Variants in NCAPD3 observed in about 807,000 individuals in gnomAD.
NCAPD3 encodes the protein non-SMC condensin II complex subunit D3.
NCAPD3 carries 105 observed loss-of-function variants against 182.9 expected under a neutral mutation model. That is an observed-to-expected ratio of 0.57 (90% CI 0.49 to 0.68). NCAPD3 has a LOEUF of 0.68. NCAPD3 is among the 30% of genes least tolerant of loss of function. The pLI is 0.00. For synonymous variants in NCAPD3, 815 were observed against 679.9 expected (o/e 1.20, Z -3.09); for missense variants, 1,944 against 1,837.0 (o/e 1.06, Z -1.07).
At chr11:134,179,003 G>A (rs1944233540) in intron 20 of NCAPD3, 67 bp from the exon 21 acceptor site, 2 of 1,068,258 alleles carry the variant, frequency 1.9e-6, no homozygotes, top group Admixed American at 2.0e-5. Context: ...CTAGATTAAG[G>A]ACATGTCAAT....
chr11:134,196,522 T>C (rs1944631741), intron 13 of NCAPD3, among the ~76,000 whole-genome samples: 1 of 151,246 alleles, frequency 6.6e-6, no homozygotes, highest in African/African-American at 2.4e-5. Context: ...GGCGGGTGCT[T>C]GTAGTCCCAG....
intron 28 of NCAPD3, 55 bp from the exon 29 acceptor site, chr11:134,160,129 C>T (rs1435661840): frequency 6.3e-7 from 1 of 1,576,286 alleles, no homozygotes; most frequent in Non-Finnish European, 8.6e-7. Flanking sequence ...AACGTAAAGC[C>T]CTAAACCCCC....
At chr11:134,173,082 G>A (rs1944056521) in intron 24 of NCAPD3, 1 of 154,114 alleles carries the variant, frequency 6.5e-6, no homozygotes, top group African/African-American at 2.4e-5. Context: ...GTGATGGGGA[G>A]GCAGGGCTGC....
At chr11:134,165,604 G>C (rs1386916878) in intron 27 of NCAPD3, among the ~76,000 whole-genome samples, 1 of 143,482 alleles carries the variant, frequency 7.0e-6, no homozygotes, top group Non-Finnish European at 1.5e-5. Context: ...AGATGAGCTT[G>C]GGGGAGGCGC....
chr11:134,167,894 C>T (rs1371931638), intron 27 of NCAPD3, 102 bp downstream of exon 27: 3 of 1,039,988 alleles, frequency 2.9e-6, no homozygotes, highest in South Asian at 1.5e-5. Context: ...TGCACACTCA[C>T]TTGTGAGATG....
At chr11:134,224,198 C>T (rs763721909), upstream of NCAPD3, 2 of 560,334 alleles carry the variant, frequency 3.6e-6, no homozygotes, top group Non-Finnish European at 6.3e-6. Context: ...GAGTTAAACC[C>T]TAACAGCGTT....
At position 134,213,988 on chromosome 11, in the gene NCAPD3, C is replaced by T. The variant is rs572226340; in HGVS notation, c.382+2948G>A. Among the ~76,000 whole-genome samples, 36 of 152,022 alleles carry T rather than the reference C, an allele frequency of 2.4e-4. No individual in the cohort carries two copies. The South Asian group carries it at 6.0e-3, about 25-fold the overall frequency. On this transcript the variant is annotated intron_variant, in intron 3 of 34. Transcript: ENST00000534548. ...AATTATTCTTAGAGATTCCAACATTCCTCTCTCAACAACAGATAGAACAAA... is the reference window on the plus strand; with the variant it reads ...AATTATTCTTAGAGATTCCAACATTTCTCTCTCAACAACAGATAGAACAAA...
intron 7 of NCAPD3, among the ~76,000 whole-genome samples, chr11:134,207,158 C>T (rs1192056271): frequency 6.6e-6 from 1 of 152,166 alleles, no homozygotes; most frequent in African/African-American, 2.4e-5. Context: ...TCTCATATAA[C>T]ATAGTCACTA....
Position 134,191,433 on chromosome 11 carries a change from C to T in NCAPD3, c.2045+1256G>A, listed in dbSNP as rs186378945. 2.0e-5 allele frequency among the ~76,000 whole-genome samples: 3 copies of T among 152,132 alleles called. No individual in the cohort carries two copies. The East Asian group carries it at 5.8e-4, about 29-fold the overall frequency. ...AGAGATTGCATGGTGGTTACACAGG[C>T]ATACTCTCTTTGTGATATTTACTGA... is the stretch of plus-strand genomic sequence containing the variant. On this transcript the variant is annotated intron_variant, in intron 16 of 34. Transcript: ENST00000534548.
At chr11:134,223,328 A>G (rs1443924359) in intron 1 of NCAPD3, 4 of 674,774 alleles carry the variant, frequency 5.9e-6, no homozygotes, top group Non-Finnish European at 1.1e-5. Flanking sequence ...GAGACACCTC[A>G]GAGGCAGGAC....
At chr11:134,219,383 A>G (rs1056510279) in intron 2 of NCAPD3, among the ~76,000 whole-genome samples, 1 of 152,132 alleles carries the variant, frequency 6.6e-6, no homozygotes, top group Admixed American at 6.5e-5. Context: ...ACCCCCTGCA[A>G]CTGCATGTGG....
chr11:134,199,483 A>G (rs188097666), intron 13 of NCAPD3, among the ~76,000 whole-genome samples: 147 of 151,404 alleles, frequency 9.7e-4, no homozygotes, highest in African/African-American at 3.3e-3. Context: ...TGTGACAGCA[A>G]TGCACATTCA....
chr11:134,179,326 C>T (rs181378901), intron 20 of NCAPD3, among the ~76,000 whole-genome samples: 43 of 152,216 alleles, frequency 2.8e-4, no homozygotes, highest in East Asian at 1.5e-3. Context: ...TCTATAGTCA[C>T]GTGGCTTTAT....
chr11:134,186,574 T>C (rs1308921406), intron 16 of NCAPD3, among the ~76,000 whole-genome samples: 3 of 152,232 alleles, frequency 2.0e-5, no homozygotes, highest in Non-Finnish European at 4.4e-5. Flanking sequence ...AATGGGATCA[T>C]ATGATTCATG....
At chr11:134,206,342 T>C (rs944934102) in intron 8 of NCAPD3, among the ~76,000 whole-genome samples, 2 of 152,156 alleles carry the variant, frequency 1.3e-5, no homozygotes, top group Non-Finnish European at 2.9e-5. Context: ...GACCCACATA[T>C]TGAGCGCAAA....
chr11:134,209,441 T>C lies in NCAPD3; in HGVS notation c.604A>G (p.Ile202Val), dbSNP rs1320815069. The C allele has an allele frequency of 6.2e-7, 1 of 1,612,600 alleles. No homozygotes were observed. The highest frequency in any genetic ancestry group is 1.7e-5 in the Admixed American group (1 of 59,932). Residue 202 changes from isoleucine to valine, a missense_variant, in exon 5 of 35, where the codon ATT (isoleucine) becomes GTT (valine). Ile to Val is a conservative substitution (Grantham distance 29). This residue lies in a region of NCAPD3 where 1,803 missense variants were observed against 1,674.6 expected (regional missense o/e 1.08). Transcript: ENST00000534548. ...EIIEEQEDENICFSARDLSQI... is the reference protein window; with the variant it reads ...EIIEEQEDENVCFSARDLSQI... ...GAAAGGTCCCGGGCAGAAAAACAAA[T>C]ATTCTCATCTTCTTGTTCTTCTATA...
intron 3 of NCAPD3, among the ~76,000 whole-genome samples, chr11:134,216,667 G>A (rs987212928): frequency 2.6e-5 from 4 of 152,138 alleles, no homozygotes; most frequent in Non-Finnish European, 4.4e-5. Flanking sequence ...GTGGTGGAGG[G>A]TGGGCGTGGA....
Position 134,190,299 on chromosome 11 carries a change from T to C in NCAPD3, c.2045+2390A>G, listed in dbSNP as rs373899021. On this transcript the variant is annotated intron_variant, in intron 16 of 34. Coordinates refer to ENST00000534548, the MANE Select transcript of NCAPD3 (RefSeq NM_015261.3). ...AGTAAATGCACCCTCCAGCTCATCC[T>C]ACATACTTTTTTATATTTTAGCTTC... Among the ~76,000 whole-genome samples, 6 of 152,364 alleles carry C rather than the reference T, an allele frequency of 3.9e-5. No individual in the cohort carries two copies. In the East Asian group the frequency reaches 1.2e-3, roughly 29 times the overall value.
Position 134,158,162 on chromosome 11 carries a change from G to A in NCAPD3, c.4035-95C>T, listed in dbSNP as rs563323567. ...TGTCCCCGCGTGCCTCCTCACCGGC[G>A]CATCCCTCACCACCCTCATTCAAAC... is the stretch of plus-strand genomic sequence containing the variant. On this transcript the variant is annotated intron_variant, in intron 30 of 34. Coordinates refer to ENST00000534548, the MANE Select transcript of NCAPD3 (RefSeq NM_015261.3). 9.6e-5 allele frequency: 146 copies of A among 1,528,380 alleles called. 2 individuals carry two copies. The highest frequency in any genetic ancestry group is 7.9e-4 in the East Asian group (35 of 44,212). The allele number at this position is 1,528,380 out of a possible 1,614,324, so 94.7% of individuals were successfully genotyped here. A position where few individuals can be genotyped will look rare whatever the true frequency, so the allele number is the denominator to read the frequency against.
Sources: allele counts gnomAD v4.1 joint callset (sites outside exome capture counted in the v4.1 genomes callset), GRCh38; gene constraint gnomAD v4.1.1; regional missense constraint gnomAD v4.1.1; transcripts MANE v1.5; gene names NCBI Gene and HGNC (gene_info 2026-07-23, HGNC 2026-07-21).